The following SMIM35 variants were observed in gnomAD, a reference collection of about 807,000 sequenced individuals.
SMIM35 encodes the protein TMPRSS4 antisense RNA 1 (non-protein coding).
intron 4 of SMIM35, among the ~76,000 whole-genome samples, chr11:118,011,084 G>A (rs373870548): frequency 5.9e-5 from 9 of 152,248 alleles, no homozygotes; most frequent in Non-Finnish European, 1.2e-4. Context: ...AGTAGCCTGC[G>A]GAAGTAAGGA....
At chr11:118,065,821 AT>A (rs748429369) in intron 1 of SMIM35, among the ~76,000 whole-genome samples, 1 of 151,992 alleles carries the variant, frequency 6.6e-6, no homozygotes, top group Non-Finnish European at 1.5e-5. Context: ...TTGCTTCATT[AT>A]TTTCTTGCTT....
chr11:118,055,969 T>C (rs1235578210), intron 1 of SMIM35, among the ~76,000 whole-genome samples: 1 of 151,752 alleles, frequency 6.6e-6, no homozygotes, highest in East Asian at 1.9e-4. Flanking sequence ...AGGTCTGTGA[T>C]GAATTGTGAA....
At chr11:118,043,337 TG>T (rs1226381771) in intron 1 of SMIM35, among the ~76,000 whole-genome samples, 1 of 151,976 alleles carries the variant, frequency 6.6e-6, no homozygotes, top group Non-Finnish European at 1.5e-5. Flanking sequence ...AAACAGAATG[TG>T]GTATATCCAT....
At chr11:118,021,013 A>G (rs2058224258) in intron 1 of SMIM35, among the ~76,000 whole-genome samples, 1 of 149,882 alleles carries the variant, frequency 6.7e-6, no homozygotes, top group Admixed American at 6.6e-5. Flanking sequence ...GGTATTTGGC[A>G]GTGCGTTTTT....
intron 1 of SMIM35, among the ~76,000 whole-genome samples, 197 bp from the exon 2 acceptor site, chr11:118,016,006 C>T (rs1384969566): frequency 6.6e-6 from 1 of 152,192 alleles, no homozygotes; most frequent in Non-Finnish European, 1.5e-5. Context: ...GTGAGCCTAT[C>T]GGTATTTGGA....
chr11:118,041,172 A>C (rs1230191675), intron 1 of SMIM35, among the ~76,000 whole-genome samples: 1 of 152,158 alleles, frequency 6.6e-6, no homozygotes, highest in Non-Finnish European at 1.5e-5. Context: ...TGAAGCAAAA[A>C]CTGGCAGAAA....
intron 1 of SMIM35, among the ~76,000 whole-genome samples, chr11:118,030,284 C>T (rs571522331): frequency 5.3e-5 from 8 of 152,130 alleles, no homozygotes; most frequent in Non-Finnish European, 7.3e-5. Context: ...ATCCACCCGC[C>T]TCAGCCACCT....
At chr11:118,012,844 A>G (rs1213032370) in intron 4 of SMIM35, among the ~76,000 whole-genome samples, 2 of 152,230 alleles carry the variant, frequency 1.3e-5, no homozygotes, top group African/African-American at 4.8e-5. Flanking sequence ...TATTGAAGCT[A>G]TGAGTGGCTT....
intron 1 of SMIM35, chr11:118,031,690 T>C (rs1472223734): frequency 1.3e-5 from 2 of 152,190 alleles, no homozygotes; most frequent in East Asian, 3.9e-4. Context: ...CAAATTCCTC[T>C]CCACAAAGTA....
At chr11:118,058,188 G>C (rs1944344302) in intron 1 of SMIM35, among the ~76,000 whole-genome samples, 1 of 152,178 alleles carries the variant, frequency 6.6e-6, no homozygotes, top group Admixed American at 6.5e-5. Context: ...TTGTGGGACT[G>C]TTCTGCTGGG....
At chr11:118,025,420 C>A in intron 1 of SMIM35, 1 of 437,322 alleles carries the variant, frequency 2.3e-6, no homozygotes, top group Non-Finnish European at 4.6e-6. Context: ...AGTGTGTAAA[C>A]GTTCCCTTTC....
At chr11:118,061,789 C>T (rs952043943) in intron 1 of SMIM35, among the ~76,000 whole-genome samples, 3 of 152,174 alleles carry the variant, frequency 2.0e-5, no homozygotes, top group Non-Finnish European at 4.4e-5. Flanking sequence ...TGATGCTAGA[C>T]AGAGCCAGCA....
rs1170431445 is a variant in SMIM35 at position 118,006,343 on chromosome 11, C to T, written c.*67G>A. 6.6e-6 allele frequency: 1 copy of T among 152,254 alleles called. No homozygotes were observed. Among genetic ancestry groups the T allele is most frequent in the Non-Finnish European group, 1.5e-5 (1 of 68,062 alleles). The allele number at this position is 152,254 out of a possible 1,614,324, so 9.4% of individuals were successfully genotyped here. A position where few individuals can be genotyped will look rare whatever the true frequency, so the allele number is the denominator to read the frequency against. On this transcript the variant is annotated 3_prime_UTR_variant, in exon 5 of 5. Coordinates refer to ENST00000689828, the MANE Select transcript of SMIM35 (RefSeq NM_001394165.1). ...CACTTTCTGTTCTCTCCACATGAAA[C>T]TGTCATGTCAGTTCTGGGCCTCAGT...
chr11:118,067,022 C>G (rs1406894582), intron 1 of SMIM35, among the ~76,000 whole-genome samples: 1 of 152,100 alleles, frequency 6.6e-6, no homozygotes, highest in Non-Finnish European at 1.5e-5. Context: ...GATATCTTTT[C>G]AGGAAATTTC....
At chr11:118,077,052 A>T in intron 1 of SMIM35, 1 of 481,968 alleles carries the variant, frequency 2.1e-6, no homozygotes, top group South Asian at 3.3e-5. Flanking sequence ...GGCTGTTTTA[A>T]TCAAGCTGCC....
intron 1 of SMIM35, among the ~76,000 whole-genome samples, chr11:118,078,999 G>A (rs1322467968): frequency 1.3e-5 from 2 of 152,156 alleles, no homozygotes; most frequent in Non-Finnish European, 2.9e-5. Context: ...CAGCTGGGTA[G>A]TACACCCAAC....
At chr11:118,047,325 A>G (rs1944113899) in intron 1 of SMIM35, among the ~76,000 whole-genome samples, 1 of 152,182 alleles carries the variant, frequency 6.6e-6, no homozygotes, top group South Asian at 2.1e-4. Flanking sequence ...GAATACATAC[A>G]CTTGTTGTGT....
At position 118,005,445 on chromosome 11, in the gene SMIM35, G is replaced by C. The variant is rs879716224; in HGVS notation, c.*965C>G. ...CTGGTGGCTTCCAAATGTCCAAACA[G>C]GGTTTCTCTCCAGAACTCTATCCAG... On this transcript the variant is annotated 3_prime_UTR_variant, in exon 5 of 5. Transcript: ENST00000689828. 3 of 152,214 alleles carry C rather than the reference G, an allele frequency of 2.0e-5. No individual in the cohort carries two copies. The highest frequency in any genetic ancestry group is 1.3e-4 in the Admixed American group (2 of 15,272). 9.4% of individuals were successfully genotyped at this position (152,214 alleles called of 1,614,324 possible).
chr11:118,021,515 A>G (rs979004768), intron 1 of SMIM35, among the ~76,000 whole-genome samples: 5 of 152,124 alleles, frequency 3.3e-5, no homozygotes, highest in Non-Finnish European at 5.9e-5. Flanking sequence ...TTTGCTATAC[A>G]TCTTTCCTAT....
Sources: allele counts gnomAD v4.1 joint callset (sites outside exome capture counted in the v4.1 genomes callset), GRCh38; gene constraint gnomAD v4.1.1; transcripts MANE v1.5; gene names NCBI Gene and HGNC (gene_info 2026-07-23, HGNC 2026-07-21).